Variants in AP2A2 observed in about 807,000 individuals in gnomAD.
AP2A2 encodes adaptor related protein complex 2 subunit alpha 2.
Under a neutral mutation model 104.2 loss-of-function variants are expected in AP2A2, and 32 were observed. That is an observed-to-expected ratio of 0.31 (90% CI 0.23 to 0.41). AP2A2 has a LOEUF of 0.41. Ranked by LOEUF, AP2A2 falls within the 10% of genes least tolerant of loss-of-function variation. The pLI, the probability that AP2A2 is intolerant of heterozygous loss-of-function variation, is 1.00. For synonymous variants in AP2A2, 539 were observed against 533.3 expected (o/e 1.01, Z -0.15); for missense variants, 912 against 1,261.0 (o/e 0.72, Z 4.19).
intron 1 of AP2A2, among the ~76,000 whole-genome samples, chr11:930,435 A>T (rs1413483623): frequency 6.6e-6 from 1 of 152,156 alleles, no homozygotes; most frequent in Non-Finnish European, 1.5e-5. Flanking sequence ...GTCAGCATGC[A>T]TTCAGTGTGT....
chr11:935,275 T>G (rs1853416661), intron 1 of AP2A2, among the ~76,000 whole-genome samples: 1 of 152,152 alleles, frequency 6.6e-6, no homozygotes, highest in Non-Finnish European at 1.5e-5. Context: ...ACCAGAATGG[T>G]CTTGATCTCT....
chr11:992,326 A>T lies in AP2A2; in HGVS notation c.1270-177A>T. On this transcript the variant is annotated intron_variant, in intron 10 of 21. Coordinates refer to ENST00000448903, the MANE Select transcript of AP2A2 (RefSeq NM_012305.4). This position sits in a 1 kb window ranked among gnomAD's most constrained non-coding sequence, Gnocchi z 6.4. The stretch of plus-strand genomic sequence containing the variant: ...TTCTTTGCTTAAGTCAGGGCATCTT[A>T]AACTTTCTGGGCTCGTGGGCTTTTT... 2 of 682,612 alleles carry T rather than the reference A, an allele frequency of 2.9e-6. No individual in the cohort carries two copies. Among genetic ancestry groups the T allele is most frequent in the Non-Finnish European group, 5.0e-6 (2 of 397,488 alleles). 42.3% of individuals were successfully genotyped at this position (682,612 alleles called of 1,614,324 possible).
intron 9 of AP2A2, 64 bp from the exon 10 acceptor site, chr11:988,488 C>G: frequency 6.3e-7 from 1 of 1,578,226 alleles, no homozygotes; most frequent in Non-Finnish European, 8.6e-7. Context: ...CGAGCCTGTC[C>G]CCAGCCTGTC....
rs539757059 is a variant in AP2A2 at position 939,537 on chromosome 11, C to T, written c.67+13449C>T. On this transcript the variant is annotated intron_variant, in intron 1 of 21. Transcript: ENST00000448903. ...TCGGCTCACTGCAACCTCTGCCTCTCAGGTTCAAGTGATTCTCCTGCCTCA... is the reference window on the plus strand; with the variant it reads ...TCGGCTCACTGCAACCTCTGCCTCTTAGGTTCAAGTGATTCTCCTGCCTCA... 2.0e-3 allele frequency among the ~76,000 whole-genome samples: 302 copies of T among 151,584 alleles called. 2 individuals carry two copies. The highest frequency in any genetic ancestry group is 4.1e-3 in the Non-Finnish European group (275 of 67,844).
At chr11:940,943 G>A (rs536328935) in intron 1 of AP2A2, 2 of 456,066 alleles carry the variant, frequency 4.4e-6, no homozygotes, top group Non-Finnish European at 4.4e-6. Flanking sequence ...CTGGGATGGG[G>A]CATCTCACCC....
At chr11:972,846 G>A (rs745631800) in intron 4 of AP2A2, among the ~76,000 whole-genome samples, 5 of 152,276 alleles carry the variant, frequency 3.3e-5, no homozygotes, top group South Asian at 2.1e-4. Flanking sequence ...TGGGTAGAAC[G>A]ATGCATCTCT....
In AP2A2 at chr11:988,706, T is replaced by C; in HGVS notation, c.1269+17T>C. The C allele has an allele frequency of 2.5e-6, 4 of 1,612,808 alleles. No individual in the cohort carries two copies. The highest frequency in any genetic ancestry group is 3.4e-6 in the Non-Finnish European group (4 of 1,179,578). ...GAAGAGATTGTGAGTTCTGGTGGCC[T>C]CTGAGTCCTCTCCTGCCACAGGCGT... On this transcript the variant is annotated intron_variant, in intron 10 of 21. Coordinates refer to ENST00000448903, the MANE Select transcript of AP2A2 (RefSeq NM_012305.4).
intron 1 of AP2A2, among the ~76,000 whole-genome samples, chr11:938,599 C>T (rs1031473821): frequency 3.2e-4 from 49 of 151,774 alleles, no homozygotes; most frequent in Non-Finnish European, 4.0e-4. Flanking sequence ...CTCAGCCTCT[C>T]GAGTAGCTGG....
chr11:985,099 T>C (rs894443515), intron 7 of AP2A2, among the ~76,000 whole-genome samples: 5 of 152,178 alleles, frequency 3.3e-5, no homozygotes, highest in Non-Finnish European at 7.3e-5. Flanking sequence ...TTCTCCCACC[T>C]CATCTTCCTG....
chr11:950,614 A>G (rs187212467), intron 1 of AP2A2, among the ~76,000 whole-genome samples: 9 of 152,252 alleles, frequency 5.9e-5, no homozygotes, highest in Admixed American at 3.9e-4. Flanking sequence ...GGTGACAACA[A>G]ATGTGCAAAT....
At chr11:997,798 G>A (rs571658517) in intron 14 of AP2A2, among the ~76,000 whole-genome samples, 2 of 152,274 alleles carry the variant, frequency 1.3e-5, no homozygotes, top group Admixed American at 6.5e-5. Flanking sequence ...CCAGCTGCTC[G>A]GGAAGCTGAG....
intron 2 of AP2A2, 23 bp from the exon 3 acceptor site, chr11:970,146 C>T: frequency 6.2e-7 from 1 of 1,612,870 alleles, no homozygotes; most frequent in East Asian, 2.2e-5. Context: ...TGGAATAAAA[C>T]CTCTTCCCCA....
At chr11:969,219 C>CTTT (rs1564799363) in intron 2 of AP2A2, among the ~76,000 whole-genome samples, 10 of 112,810 alleles carry the variant, frequency 8.9e-5, no homozygotes, top group Non-Finnish European at 1.1e-4. Flanking sequence ...GTAGAACAGC[C>CTTT]CTTTTTTTTT....
chr11:975,158 C>T (rs1369117835), intron 4 of AP2A2, among the ~76,000 whole-genome samples: 1 of 152,178 alleles, frequency 6.6e-6, no homozygotes, highest in Non-Finnish European at 1.5e-5. Flanking sequence ...GGTGGTGTCT[C>T]TGCTGGGATG....
chr11:1,003,863 A>C (rs2133778557), intron 16 of AP2A2, 59 bp downstream of exon 16: 1 of 1,153,786 alleles, frequency 8.7e-7, no homozygotes, highest in Middle Eastern at 2.3e-4. Flanking sequence ...ATTAAGAGAA[A>C]ATATTTGCAA....
In AP2A2 at chr11:984,646, T is replaced by A; in HGVS notation, c.707T>A (p.Ile236Asn). The A allele has an allele frequency of 6.2e-7, 1 of 1,610,512 alleles. No homozygotes were observed. Among genetic ancestry groups the A allele is most frequent in the Non-Finnish European group, 8.5e-7 (1 of 1,176,974 alleles). ...VSLAVSRLSR[I>N]VTSASTDLQD... Reference sequence around the variant, plus strand: ...CTCATTGCCTGTGCTGTCTTACAGATCGTGACGTCTGCATCCACAGATCTC... The same window carrying A: ...CTCATTGCCTGTGCTGTCTTACAGAACGTGACGTCTGCATCCACAGATCTC... The change falls in exon 7 of 22, where the codon ATC (isoleucine) becomes AAC (asparagine). Residue 236 changes from isoleucine to asparagine, a missense_variant and splice_region_variant. By Grantham distance (149) the Ile-to-Asn change is moderately radical (BLOSUM62 -3). Coordinates refer to ENST00000448903, the MANE Select transcript of AP2A2 (RefSeq NM_012305.4).
chr11:962,266 G>T (rs899355441), intron 2 of AP2A2, among the ~76,000 whole-genome samples: 3 of 152,354 alleles, frequency 2.0e-5, no homozygotes, highest in Non-Finnish European at 2.9e-5. Context: ...CATAGAAATT[G>T]CTTGAAAGGA....
At chr11:953,430 G>T (rs1854118463) in intron 1 of AP2A2, among the ~76,000 whole-genome samples, 1 of 152,140 alleles carries the variant, frequency 6.6e-6, no homozygotes, top group South Asian at 2.1e-4. Flanking sequence ...CTCCCAAAGT[G>T]CTGGGATTAT....
intron 6 of AP2A2, among the ~76,000 whole-genome samples, chr11:984,291 G>A (rs867023055): frequency 7.9e-5 from 12 of 152,118 alleles, no homozygotes; most frequent in East Asian, 5.8e-4. Context: ...TCAGAATGCC[G>A]GCTTCTGGGG....
Sources: allele counts gnomAD v4.1 joint callset (sites outside exome capture counted in the v4.1 genomes callset), GRCh38; gene constraint gnomAD v4.1.1; non-coding constraint Gnocchi (gnomAD v3.1); transcripts MANE v1.5; gene names NCBI Gene and HGNC (gene_info 2026-07-23, HGNC 2026-07-21).